The following THSD7B variants were observed in gnomAD, a reference collection of about 807,000 sequenced individuals.
The protein encoded by THSD7B is thrombospondin type-1 domain-containing protein 7B.
Under a neutral mutation model 213.6 loss-of-function variants are expected in THSD7B, and 138 were observed. The ratio of observed to expected loss-of-function variants is 0.65; its 90% CI spans 0.56 to 0.74. The LOEUF is 0.74. Among genes scored for constraint, THSD7B ranks in the 30% least tolerant of loss-of-function variants. The pLI is 0.00. For synonymous variants in THSD7B, 742 were observed against 687.0 expected, an observed-to-expected ratio of 1.08 and a Z score of -1.25; for missense variants, 1,931 against 1,991.5, an observed-to-expected ratio of 0.97 and a Z score of 0.58.
chr2:137,178,307 G>A (rs1680396696), intron 7 of THSD7B, among the ~76,000 whole-genome samples: 1 of 152,052 alleles, frequency 6.6e-6, no homozygotes, highest in Admixed American at 6.6e-5. Context: ...AGTTATTTAG[G>A]TTTAGAGGAG....
intron 1 of THSD7B, among the ~76,000 whole-genome samples, chr2:136,881,345 T>G (rs1683619393): frequency 6.6e-6 from 1 of 152,168 alleles, no homozygotes; most frequent in African/African-American, 2.4e-5. Context: ...GGAGGGAATA[T>G]ACAAGGTATC....
At chr2:137,674,730 C>T (rs766539367) in intron 27 of THSD7B, among the ~76,000 whole-genome samples, 3 of 152,154 alleles carry the variant, frequency 2.0e-5, no homozygotes, top group Admixed American at 6.5e-5. Context: ...TTTGCATCTC[C>T]GCAGCTTCTC....
Position 137,676,878 on chromosome 2 carries a change from G to A in THSD7B, c.*273G>A. On this transcript the variant is annotated 3_prime_UTR_variant, in exon 28 of 28. Transcript: ENST00000409968. ...CCCTTCTCTTCCTGTTTGGAACTGGGAGGAAGAAAACATGATGGAATTCCC... is the reference window on the plus strand; with the variant it reads ...CCCTTCTCTTCCTGTTTGGAACTGGAAGGAAGAAAACATGATGGAATTCCC... 3.4e-6 allele frequency: 1 copy of A among 291,768 alleles called. No homozygotes were observed. The highest frequency in any genetic ancestry group is 6.3e-6 in the Non-Finnish European group (1 of 159,508). The allele number at this position is 291,768 out of a possible 1,614,324, so 18.1% of individuals were successfully genotyped here.
intron 21 of THSD7B, among the ~76,000 whole-genome samples, chr2:137,652,349 A>G (rs1471788535): frequency 6.6e-6 from 1 of 152,064 alleles, no homozygotes; most frequent in African/African-American, 2.4e-5. Context: ...AGACTATTTT[A>G]GCTGATACAA....
At chr2:137,655,409 A>G (rs1028183426) in intron 21 of THSD7B, 92 bp from the exon 22 acceptor site, 4 of 1,378,906 alleles carry the variant, frequency 2.9e-6, no homozygotes, top group Non-Finnish European at 3.9e-6. Flanking sequence ...AAAATATGCA[A>G]CTATGGTCTT....
At chr2:136,843,548 TA>T (rs1202554070) in intron 1 of THSD7B, among the ~76,000 whole-genome samples, 3 of 152,138 alleles carry the variant, frequency 2.0e-5, no homozygotes, top group Non-Finnish European at 4.4e-5. Context: ...TGTACTTTCT[TA>T]GGGGTGGAAT....
In THSD7B at chr2:137,059,685, T is replaced by C. The variant is rs147746387; in HGVS notation, c.950+2455T>C. ...ACTTTGCAATACGCATTTAAGTTTG[T>C]TCCATGTCTGTTTGTGACTTGGTAG... On this transcript the variant is annotated intron_variant, in intron 3 of 27. Coordinates refer to ENST00000409968, the MANE Select transcript of THSD7B (RefSeq NM_001316349.2). 1.7e-3 allele frequency among the ~76,000 whole-genome samples: 253 copies of C among 151,898 alleles called. 1 individual carries two copies. Among genetic ancestry groups the C allele is most frequent in the African/African-American group, 6.0e-3 (246 of 41,162 alleles).
chr2:137,093,597 C>G (rs1463773211), intron 3 of THSD7B, among the ~76,000 whole-genome samples: 1 of 152,174 alleles, frequency 6.6e-6, no homozygotes, highest in Non-Finnish European at 1.5e-5. Flanking sequence ...AGTGTTTTCT[C>G]TGTGCCTGAG....
chr2:137,488,723 C>T (rs1168629458), intron 15 of THSD7B, among the ~76,000 whole-genome samples: 1 of 152,146 alleles, frequency 6.6e-6, no homozygotes, highest in African/African-American at 2.4e-5. Flanking sequence ...GAGAATGAAA[C>T]ATTCACTTGT....
intron 13 of THSD7B, among the ~76,000 whole-genome samples, chr2:137,406,372 A>G (rs1040034386): frequency 1.3e-5 from 2 of 152,222 alleles, no homozygotes; most frequent in Admixed American, 1.3e-4. Flanking sequence ...CTAATTGTTT[A>G]ATTGAATTCC....
intron 20 of THSD7B, among the ~76,000 whole-genome samples, chr2:137,624,577 G>A (rs1301432850): frequency 1.3e-5 from 2 of 152,084 alleles, no homozygotes; most frequent in Non-Finnish European, 2.9e-5. Flanking sequence ...CTACCCATCC[G>A]ACAAAGGGCT....
intron 15 of THSD7B, among the ~76,000 whole-genome samples, chr2:137,507,858 T>C (rs1410903657): frequency 6.6e-6 from 1 of 152,188 alleles, no homozygotes; most frequent in Non-Finnish European, 1.5e-5. Context: ...GAAAGATGAT[T>C]TGGGCTAAAA....
intron 15 of THSD7B, among the ~76,000 whole-genome samples, chr2:137,554,506 A>G (rs897190957): frequency 1.3e-5 from 2 of 152,202 alleles, no homozygotes; most frequent in African/African-American, 4.8e-5. Flanking sequence ...AAATAGACAT[A>G]TAGTTTTTGG....
intron 12 of THSD7B, among the ~76,000 whole-genome samples, chr2:137,385,641 T>G (rs1399022354): frequency 6.6e-6 from 1 of 151,404 alleles, no homozygotes; most frequent in Non-Finnish European, 1.5e-5. Flanking sequence ...GGTGGCCAAT[T>G]TGTGACTTGA....
intron 15 of THSD7B, among the ~76,000 whole-genome samples, chr2:137,546,147 C>T (rs939990746): frequency 2.7e-5 from 4 of 148,702 alleles, no homozygotes; most frequent in East Asian, 2.0e-4. Context: ...CTCTCCAGAA[C>T]GATTCAAATC....
At chr2:137,343,071 GT>G (rs570246459) in intron 12 of THSD7B, among the ~76,000 whole-genome samples, 393 of 133,236 alleles carry the variant, frequency 2.9e-3, no homozygotes, top group African/African-American at 7.6e-3. Flanking sequence ...ATTCCCTTCT[GT>G]TTTTTTTTTT....
intron 4 of THSD7B, among the ~76,000 whole-genome samples, chr2:137,096,052 G>A (rs1558919200): frequency 6.6e-6 from 1 of 152,002 alleles, no homozygotes; most frequent in Non-Finnish European, 1.5e-5. Context: ...CAAAGACCTG[G>A]GTAAAGGCCT....
At chr2:137,615,952 T>A (rs77604614) in intron 17 of THSD7B, among the ~76,000 whole-genome samples, 1 of 152,140 alleles carries the variant, frequency 6.6e-6, no homozygotes, top group Non-Finnish European at 1.5e-5. Context: ...GAGATAGAAA[T>A]GTAGCCTTCA....
intron 2 of THSD7B, among the ~76,000 whole-genome samples, chr2:137,049,633 C>T (rs796557680): frequency 3.9e-5 from 6 of 152,234 alleles, no homozygotes; most frequent in African/African-American, 1.4e-4. Flanking sequence ...GTGCTAAACC[C>T]CTGAATCTTG....
Sources: allele counts gnomAD v4.1 joint callset (sites outside exome capture counted in the v4.1 genomes callset), GRCh38; gene constraint gnomAD v4.1.1; transcripts MANE v1.5; gene names NCBI Gene and HGNC (gene_info 2026-07-23, HGNC 2026-07-21).